NDUFAF6: variants seen among roughly 807,000 people sequenced by gnomAD.
The protein encoded by NDUFAF6 is NADH:ubiquinone oxidoreductase complex assembly factor 6.
Under a neutral mutation model 40.8 loss-of-function variants are expected in NDUFAF6, and 45 were observed. That is an observed-to-expected ratio of 1.10 (90% CI 0.87 to 1.42). NDUFAF6 has a LOEUF of 1.42. Among genes scored for constraint, NDUFAF6 ranks in the 40% most tolerant of loss-of-function variants. The probability of loss-of-function intolerance (pLI) is 0.00; values close to 1 mark genes in which losing one functional copy is unlikely to be tolerated. For synonymous variants in NDUFAF6, 185 were observed against 155.9 expected (o/e 1.19, Z -1.39); for missense variants, 435 against 418.5 (o/e 1.04, Z -0.34).
chr8:95,016,379 T>C (rs1266480755), intron 2 of NDUFAF6, among the ~76,000 whole-genome samples: 1 of 152,204 alleles, frequency 6.6e-6, no homozygotes, highest in Non-Finnish European at 1.5e-5. Flanking sequence ...AGTTAATTCT[T>C]GGAAGTTCTC....
intron 1 of NDUFAF6, among the ~76,000 whole-genome samples, chr8:94,906,657 T>C (rs1818411092): frequency 6.6e-6 from 1 of 152,214 alleles, no homozygotes; most frequent in Non-Finnish European, 1.5e-5. Context: ...CTAAAGGACA[T>C]GCTGACACAG....
chr8:95,050,831 A>G (rs1831344948), intron 7 of NDUFAF6, among the ~76,000 whole-genome samples: 1 of 152,216 alleles, frequency 6.6e-6, no homozygotes, highest in Non-Finnish European at 1.5e-5. Flanking sequence ...GCCCACACAT[A>G]ACAAGTAGAA....
chr8:94,982,374 G>C (rs191912793), intron 2 of NDUFAF6, among the ~76,000 whole-genome samples: 4 of 152,320 alleles, frequency 2.6e-5, no homozygotes, highest in Non-Finnish European at 5.9e-5. Context: ...ATCCCATATA[G>C]GTTAGGTGTG....
chr8:94,918,159 A>G (rs57149237), intron 1 of NDUFAF6, among the ~76,000 whole-genome samples: 242 of 152,314 alleles, frequency 1.6e-3, no homozygotes, highest in African/African-American at 5.5e-3. Flanking sequence ...GACCTGACCA[A>G]TCTGACTCCC....
intron 2 of NDUFAF6, among the ~76,000 whole-genome samples, chr8:95,013,203 TC>T (rs941455091): frequency 6.6e-6 from 1 of 151,810 alleles, no homozygotes; most frequent in African/African-American, 2.4e-5. Context: ...CTGGGCTCAA[TC>T]CCCCCCATTT....
chr8:94,943,322 C>T (rs976394494), intron 1 of NDUFAF6, among the ~76,000 whole-genome samples: 1 of 152,014 alleles, frequency 6.6e-6, no homozygotes, highest in African/African-American at 2.4e-5. Flanking sequence ...CCTGTTTCTA[C>T]AAAAAAATTT....
chr8:94,940,234 C>G, intron 1 of NDUFAF6: 2 of 1,592,158 alleles, frequency 1.3e-6, no homozygotes, highest in East Asian at 2.2e-5. Context: ...GATCGTAGTC[C>G]ACATTGCAGT....
intron 1 of NDUFAF6, among the ~76,000 whole-genome samples, chr8:94,899,636 C>T (rs920047499): frequency 3.9e-5 from 6 of 152,218 alleles, no homozygotes; most frequent in African/African-American, 1.4e-4. Flanking sequence ...TGCTGTGCTG[C>T]CTCCATTTAT....
chr8:95,064,665 G>A (rs750479050), intron 9 of NDUFAF6, among the ~76,000 whole-genome samples: 2 of 151,766 alleles, frequency 1.3e-5, no homozygotes, highest in South Asian at 2.1e-4. Context: ...AGCAGGCCTC[G>A]GAAAACAATC....
chr8:95,088,689 T>TGTG (rs1809133839), intron 2 of NDUFAF6, among the ~76,000 whole-genome samples: 2 of 142,282 alleles, frequency 1.4e-5, no homozygotes, highest in South Asian at 4.4e-4. Flanking sequence ...TTTTGGGGTT[T>TGTG]TGTGTGTGTG....
At chr8:95,058,772 C>A (rs1036643868), downstream of NDUFAF6, 1 of 987,034 alleles carries the variant, frequency 1.0e-6, no homozygotes, top group Admixed American at 6.1e-5. Flanking sequence ...TGTATACTTG[C>A]ATCAGTGTTC....
intron 4 of NDUFAF6, among the ~76,000 whole-genome samples, chr8:95,110,633 G>A (rs1350703370): frequency 2.6e-5 from 4 of 152,204 alleles, no homozygotes; most frequent in African/African-American, 7.2e-5. Context: ...AAGTAGCAAA[G>A]CTGGGATTTG....
At chr8:95,042,712 AG>A (rs1043784834) in intron 4 of NDUFAF6, among the ~76,000 whole-genome samples, 2 of 152,234 alleles carry the variant, frequency 1.3e-5, no homozygotes, top group African/African-American at 4.8e-5. Flanking sequence ...ACAAAGTTAG[AG>A]GGCTCACATT....
At chr8:95,076,807 G>C (rs1383950665), downstream of NDUFAF6, among the ~76,000 whole-genome samples, 1 of 149,760 alleles carries the variant, frequency 6.7e-6, no homozygotes, top group Non-Finnish European at 1.5e-5. Flanking sequence ...CGGGAGGCAG[G>C]GTTTGTGGTG....
At chr8:94,975,159 G>A (rs553124166) in intron 1 of NDUFAF6, among the ~76,000 whole-genome samples, 2 of 152,318 alleles carry the variant, frequency 1.3e-5, no homozygotes, top group African/African-American at 4.8e-5. Flanking sequence ...TCCACCCCCT[G>A]TAACTGTTAG....
chr8:95,025,809 GT>G (rs1352727419), intron 1 of NDUFAF6, among the ~76,000 whole-genome samples: 1 of 152,242 alleles, frequency 6.6e-6, no homozygotes, highest in Non-Finnish European at 1.5e-5. Flanking sequence ...GCCCTGAAGT[GT>G]TTTGTTTGTC....
chr8:94,932,308 T>C (rs1025284521), intron 1 of NDUFAF6, among the ~76,000 whole-genome samples: 1 of 152,240 alleles, frequency 6.6e-6, no homozygotes, highest in Non-Finnish European at 1.5e-5. Context: ...ATGTATACCC[T>C]GAAGCCCACT....
chr8:95,058,924 G>A (rs997243862), downstream of NDUFAF6, among the ~76,000 whole-genome samples: 6 of 152,154 alleles, frequency 3.9e-5, no homozygotes, highest in South Asian at 4.1e-4. Flanking sequence ...GGTGGTGCAC[G>A]CCCAGCTACT....
At chr8:95,089,363 G>A (rs967007386) in intron 2 of NDUFAF6, among the ~76,000 whole-genome samples, 5 of 152,140 alleles carry the variant, frequency 3.3e-5, no homozygotes, top group Admixed American at 2.6e-4. Flanking sequence ...GTGAGCCACC[G>A]TACCCAGCCT....
Sources: gnomAD v4.1 joint callset for allele counts (sites outside exome capture counted in the v4.1 genomes callset) on GRCh38, gnomAD v4.1.1 for gene constraint, MANE v1.5 for transcripts, NCBI Gene and HGNC (gene_info 2026-07-23, HGNC 2026-07-21) for gene names.